GPC5: variants seen among roughly 807,000 people sequenced by gnomAD.
The protein encoded by GPC5 is glypican-5.
GPC5 carries 47 observed loss-of-function variants against 53.9 expected under a neutral mutation model. The ratio of observed to expected loss-of-function variants is 0.87; its 90% confidence interval spans 0.69 to 1.11. The LOEUF is 1.11. Ranked by LOEUF, GPC5 falls within the 50% of genes most tolerant of loss-of-function variation. GPC5 has a pLI of 0.00. For synonymous variants in GPC5, 286 were observed against 263.3 expected, an observed-to-expected ratio of 1.09 and a Z score of -0.84; for missense variants, 748 against 713.1, an observed-to-expected ratio of 1.05 and a Z score of -0.56.
At chr13:92,622,674 C>A (rs1219596786) in intron 7 of GPC5, among the ~76,000 whole-genome samples, 2 of 152,094 alleles carry the variant, frequency 1.3e-5, no homozygotes, top group African/African-American at 4.8e-5. Flanking sequence ...AGGCAGTCCT[C>A]CTTCCTTAGT....
intron 6 of GPC5, among the ~76,000 whole-genome samples, chr13:92,144,543 G>C (rs974595241): frequency 2.6e-5 from 4 of 152,088 alleles, no homozygotes; most frequent in African/African-American, 9.7e-5. Flanking sequence ...GGATCCTCTA[G>C]ACAAACTGCC....
chr13:92,565,311 T>A (rs1205858869), intron 7 of GPC5, among the ~76,000 whole-genome samples: 1 of 152,124 alleles, frequency 6.6e-6, no homozygotes, highest in Non-Finnish European at 1.5e-5. Context: ...CTCCAGGCAC[T>A]TTCACCTTGG....
intron 7 of GPC5, among the ~76,000 whole-genome samples, chr13:92,292,828 G>C (rs2043007304): frequency 6.6e-6 from 1 of 152,102 alleles, no homozygotes; most frequent in Non-Finnish European, 1.5e-5. Context: ...AATCTATCTT[G>C]AGTTGATTTT....
chr13:91,653,608 A>G (rs1260662060), intron 2 of GPC5, among the ~76,000 whole-genome samples: 5 of 152,168 alleles, frequency 3.3e-5, no homozygotes, highest in Non-Finnish European at 7.4e-5. Flanking sequence ...AACAAAAACA[A>G]AAAAACATAA....
chr13:92,797,877 T>C (rs552333452), intron 7 of GPC5, among the ~76,000 whole-genome samples: 8 of 151,436 alleles, frequency 5.3e-5, no homozygotes, highest in Middle Eastern at 6.8e-3. Context: ...AGATGATAGA[T>C]GATAGATAGT....
intron 7 of GPC5, among the ~76,000 whole-genome samples, chr13:92,313,416 A>T (rs1344551016): frequency 6.6e-6 from 1 of 152,218 alleles, no homozygotes; most frequent in African/African-American, 2.4e-5. Flanking sequence ...TTACCCAAGG[A>T]CAGGGACCCT....
At chr13:91,696,100 A>C (rs1245019750) in intron 3 of GPC5, among the ~76,000 whole-genome samples, 5 of 152,204 alleles carry the variant, frequency 3.3e-5, no homozygotes, top group Non-Finnish European at 7.3e-5. Flanking sequence ...ACTGGTAGGC[A>C]GTTGGTACCT....
At chr13:91,637,706 G>A (rs1041706571) in intron 2 of GPC5, among the ~76,000 whole-genome samples, 1 of 152,198 alleles carries the variant, frequency 6.6e-6, no homozygotes, top group African/African-American at 2.4e-5. Context: ...AGAGAGAAAG[G>A]AGTGGTACAA....
Position 91,490,481 on chromosome 13 carries a change from A to G in GPC5, c.325+41559A>G, listed in dbSNP as rs144325248. 1.4e-3 allele frequency among the ~76,000 whole-genome samples: 213 copies of G among 152,220 alleles called. 1 individual carries two copies. Among genetic ancestry groups the G allele is most frequent in the Middle Eastern group, 6.8e-3 (2 of 294 alleles). ...GTTTTAAGTTTTTTATTTTGTTTTT[A>G]TTTAATTGATAATCCTTATCAAGAC... On this transcript the variant is annotated intron_variant, in intron 2 of 7. Coordinates refer to ENST00000377067, the MANE Select transcript of GPC5 (RefSeq NM_004466.6).
At chr13:92,306,320 A>G (rs1462188068) in intron 7 of GPC5, among the ~76,000 whole-genome samples, 1 of 152,182 alleles carries the variant, frequency 6.6e-6, no homozygotes, top group Non-Finnish European at 1.5e-5. Context: ...TCTGCAATAT[A>G]ATTTGCAAAT....
intron 6 of GPC5, among the ~76,000 whole-genome samples, chr13:92,082,412 A>T (rs1445929805): frequency 1.3e-5 from 2 of 152,126 alleles, no homozygotes. Context: ...CCAAGGCTAA[A>T]ATTTATAATA....
intron 2 of GPC5, among the ~76,000 whole-genome samples, chr13:91,480,355 A>G (rs1386844359): frequency 6.6e-6 from 1 of 152,152 alleles, no homozygotes; most frequent in African/African-American, 2.4e-5. Flanking sequence ...TTCCCCTGCT[A>G]TGGGTTTCTT....
At chr13:91,558,370 C>T (rs1336219) in intron 2 of GPC5, among the ~76,000 whole-genome samples, 60,560 of 151,894 alleles carry the variant, frequency 0.4, 14,172 homozygotes, top group African/African-American at 0.67. Context: ...GAAAGGGAAG[C>T]ATATTGTTTT....
chr13:91,571,426 G>A (rs1163058784), intron 2 of GPC5, among the ~76,000 whole-genome samples: 1 of 151,996 alleles, frequency 6.6e-6, no homozygotes, highest in Non-Finnish European at 1.5e-5. Flanking sequence ...TAAACTTTTT[G>A]TCTTGCCAAG....
intron 7 of GPC5, among the ~76,000 whole-genome samples, chr13:92,287,039 C>T (rs2042960769): frequency 1.3e-5 from 2 of 151,976 alleles, no homozygotes. Flanking sequence ...TTGTAGCCTC[C>T]AGATCTACAG....
intron 2 of GPC5, among the ~76,000 whole-genome samples, chr13:91,587,770 T>C (rs1441738406): frequency 1.3e-5 from 2 of 152,188 alleles, no homozygotes; most frequent in African/African-American, 4.8e-5. Context: ...CCTTTTCTTA[T>C]TCTCCCACAT....
At position 91,728,536 on chromosome 13, in the gene GPC5, A is replaced by G; in HGVS notation, c.1025A>G (p.Asn342Ser). 1 of 1,610,228 alleles carries G rather than the reference A, an allele frequency of 6.2e-7. No individual in the cohort carries two copies. Among genetic ancestry groups the G allele is most frequent in the Non-Finnish European group, 8.5e-7 (1 of 1,178,072 alleles). ...LNGQKLLEQV[N>S]RICGRPVRTP... ...TTAATGTTTTCTATTTAAAAGGTAA[A>G]TAGGATTTGTGGCCGCCCTGTAAGA... The change falls in exon 4 of 8, where the codon AAT becomes AGT. Residue 342 changes from asparagine to serine, a missense_variant. By Grantham distance (46) the Asn-to-Ser change is conservative. Coordinates refer to ENST00000377067, the MANE Select transcript of GPC5 (RefSeq NM_004466.6).
intron 6 of GPC5, among the ~76,000 whole-genome samples, chr13:91,927,850 T>G (rs1297779296): frequency 6.6e-6 from 1 of 152,184 alleles, no homozygotes; most frequent in Non-Finnish European, 1.5e-5. Context: ...GAGATGAAAA[T>G]GGAGTCATTG....
chr13:91,679,527 T>C (rs1463710064), intron 2 of GPC5, among the ~76,000 whole-genome samples: 2 of 152,194 alleles, frequency 1.3e-5, no homozygotes, highest in African/African-American at 4.8e-5. Context: ...GTTTTTGAGA[T>C]CAAAACTATT....
Sources: allele counts gnomAD v4.1 joint callset (sites outside exome capture counted in the v4.1 genomes callset), GRCh38; gene constraint gnomAD v4.1.1; transcripts MANE v1.5; gene names NCBI Gene and HGNC (gene_info 2026-07-23, HGNC 2026-07-21).